Variants in CADM2 observed in about 807,000 individuals in gnomAD.
CADM2 encodes the protein cell adhesion molecule 2, also known as immunoglobulin superfamily member 4D.
CADM2 carries 12 observed loss-of-function variants against 49.8 expected under a neutral mutation model. That is an observed-to-expected ratio of 0.24 (90% CI 0.15 to 0.39). CADM2 has a LOEUF of 0.39. CADM2 is among the 10% of genes least tolerant of loss of function. The pLI is 1.00. For synonymous variants in CADM2, 214 were observed against 175.4 expected (o/e 1.22, Z -1.74); for missense variants, 378 against 492.3 (o/e 0.77, Z 2.20).
chr3:85,922,385 A>G (rs1023552669), intron 6 of CADM2, among the ~76,000 whole-genome samples: 1 of 151,984 alleles, frequency 6.6e-6, no homozygotes, highest in Admixed American at 6.6e-5. Context: ...TATCTGGGCC[A>G]CACTTTTTTT....
At chr3:85,389,071 T>C (rs2034391749) in intron 1 of CADM2, among the ~76,000 whole-genome samples, 1 of 152,120 alleles carries the variant, frequency 6.6e-6, no homozygotes. Context: ...ACAAAGTCTG[T>C]ACATTCACCC....
intron 1 of CADM2, among the ~76,000 whole-genome samples, chr3:84,989,820 C>T (rs1220223140): frequency 6.6e-6 from 1 of 151,930 alleles, no homozygotes; most frequent in African/African-American, 2.4e-5. Context: ...ATGATAAGGA[C>T]TCCATAAATA....
chr3:85,370,762 G>GA (rs1389155228), intron 1 of CADM2, among the ~76,000 whole-genome samples: 1 of 152,068 alleles, frequency 6.6e-6, no homozygotes, highest in Non-Finnish European at 1.5e-5. Flanking sequence ...AGGTGTTCCA[G>GA]AAGAAGAGAT....
intron 1 of CADM2, among the ~76,000 whole-genome samples, chr3:85,351,148 T>C (rs1454495964): frequency 6.6e-6 from 1 of 152,142 alleles, no homozygotes; most frequent in East Asian, 1.9e-4. Flanking sequence ...TTTGATGAAC[T>C]ATATTCCAGA....
At chr3:85,296,375 G>T (rs1406714265) in intron 1 of CADM2, among the ~76,000 whole-genome samples, 1 of 151,938 alleles carries the variant, frequency 6.6e-6, no homozygotes, top group African/African-American at 2.4e-5. Context: ...TCTAAAGAGA[G>T]ATTCTTACCA....
intron 5 of CADM2, among the ~76,000 whole-genome samples, chr3:85,888,901 T>C (rs1453683692): frequency 6.6e-6 from 1 of 152,192 alleles, no homozygotes; most frequent in Non-Finnish European, 1.5e-5. Flanking sequence ...AAAGTTTGAC[T>C]TCCTATTACT....
chr3:85,813,652 T>C (rs1370460621), intron 3 of CADM2, among the ~76,000 whole-genome samples: 1 of 152,210 alleles, frequency 6.6e-6, no homozygotes, highest in Non-Finnish European at 1.5e-5. Context: ...GGTTATCTTC[T>C]AGGGTTTTTA....
At chr3:85,094,509 C>T (rs1402735745) in intron 1 of CADM2, among the ~76,000 whole-genome samples, 2 of 152,000 alleles carry the variant, frequency 1.3e-5, no homozygotes, top group Non-Finnish European at 2.9e-5. Flanking sequence ...TGGTTTATTG[C>T]AGGGGAAATG....
chr3:85,676,733 C>G (rs910968975), intron 1 of CADM2, among the ~76,000 whole-genome samples: 1 of 151,992 alleles, frequency 6.6e-6, no homozygotes, highest in African/African-American at 2.4e-5. Flanking sequence ...ATCTTTCCAC[C>G]ATGTAAATAC....
At chr3:85,887,241 C>T (rs1713795062) in intron 5 of CADM2, among the ~76,000 whole-genome samples, 1 of 152,058 alleles carries the variant, frequency 6.6e-6, no homozygotes, top group South Asian at 2.1e-4. Context: ...CATGCACGAC[C>T]ATGCTTGGCT....
At chr3:85,643,860 A>C (rs1334455423) in intron 1 of CADM2, among the ~76,000 whole-genome samples, 1 of 152,168 alleles carries the variant, frequency 6.6e-6, no homozygotes, top group East Asian at 1.9e-4. Context: ...CATAGATGTT[A>C]GAGCCCTACC....
chr3:85,532,681 A>G (rs2061341719), intron 1 of CADM2, among the ~76,000 whole-genome samples: 1 of 152,220 alleles, frequency 6.6e-6, no homozygotes, highest in African/African-American at 2.4e-5. Context: ...AGGACTATAA[A>G]TCGTTCTATT....
At chr3:85,849,622 T>G (rs2075015642) in intron 3 of CADM2, among the ~76,000 whole-genome samples, 1 of 152,224 alleles carries the variant, frequency 6.6e-6, no homozygotes, top group South Asian at 2.1e-4. Context: ...TCTGCCTAGC[T>G]TATCATGAAC....
chr3:85,222,139 G>C (rs1002583411), intron 1 of CADM2, among the ~76,000 whole-genome samples: 7 of 152,202 alleles, frequency 4.6e-5, no homozygotes, highest in Middle Eastern at 3.4e-3. Context: ...TGGTTTGAAG[G>C]CTGGTTTGGT....
intron 2 of CADM2, among the ~76,000 whole-genome samples, chr3:85,776,489 G>A (rs992117327): frequency 1.3e-5 from 2 of 151,846 alleles, no homozygotes; most frequent in Non-Finnish European, 2.9e-5. Context: ...GTCTGGCATA[G>A]GAACTTAATA....
intron 1 of CADM2, among the ~76,000 whole-genome samples, chr3:85,522,948 G>T (rs989412425): frequency 4.0e-5 from 6 of 149,998 alleles, no homozygotes; most frequent in African/African-American, 1.5e-4. Flanking sequence ...TAGCCCAGCT[G>T]CTACCAAGAA....
chr3:85,053,448 A>G (rs1576122318), intron 1 of CADM2, among the ~76,000 whole-genome samples: 1 of 152,086 alleles, frequency 6.6e-6, no homozygotes, highest in East Asian at 1.9e-4. Flanking sequence ...TAATTGAAAG[A>G]ACTGGGAGTG....
chr3:85,724,325 C>T (rs2067611400), intron 1 of CADM2, among the ~76,000 whole-genome samples: 1 of 151,648 alleles, frequency 6.6e-6, no homozygotes, highest in African/African-American at 2.4e-5. Context: ...CTTCCATTTT[C>T]AATATTTAAG....
chr3:85,249,925 T>C (rs937054841), intron 1 of CADM2, among the ~76,000 whole-genome samples: 5 of 151,836 alleles, frequency 3.3e-5, no homozygotes, highest in African/African-American at 4.8e-5. Context: ...CTATGAAAGA[T>C]AATTGTTAAA....
Sources: allele counts gnomAD v4.1 joint callset (sites outside exome capture counted in the v4.1 genomes callset), GRCh38; gene constraint gnomAD v4.1.1; transcripts MANE v1.5; gene names NCBI Gene and HGNC (gene_info 2026-07-23, HGNC 2026-07-21).